Variants in XYLT1 observed in about 807,000 individuals in gnomAD.
XYLT1 encodes beta-D-xylosyltransferase 1.
Under a neutral mutation model 91.3 loss-of-function variants are expected in XYLT1, and 36 were observed. The ratio of observed to expected loss-of-function variants is 0.39; its 90% CI spans 0.30 to 0.52. XYLT1 has a LOEUF of 0.52. Among genes scored for constraint, XYLT1 ranks in the 20% least tolerant of loss-of-function variants. The pLI is 0.68. For synonymous variants in XYLT1, 588 were observed against 532.0 expected, an observed-to-expected ratio of 1.11 and a Z score of -1.45; for missense variants, 1,242 against 1,284.5, an observed-to-expected ratio of 0.97 and a Z score of 0.51.
At chr16:17,119,098 C>A (rs900201401) in intron 10 of XYLT1, among the ~76,000 whole-genome samples, 2 of 152,144 alleles carry the variant, frequency 1.3e-5, no homozygotes, top group Non-Finnish European at 2.9e-5. Flanking sequence ...TTTATCTCCT[C>A]CAGCTGTAAT....
chr16:17,308,849 C>T (rs2034503486), intron 2 of XYLT1, among the ~76,000 whole-genome samples: 1 of 152,146 alleles, frequency 6.6e-6, no homozygotes, highest in Non-Finnish European at 1.5e-5. Context: ...TCTATCTCCT[C>T]TAATTGTCAT....
intron 5 of XYLT1, among the ~76,000 whole-genome samples, chr16:17,197,006 G>A (rs1487172230): frequency 9.6e-6 from 1 of 104,682 alleles, no homozygotes; most frequent in Admixed American, 1.0e-4. Context: ...GCGAGACTCT[G>A]TCTCCAAAAT....
chr16:17,166,677 AT>A (rs34758469), intron 5 of XYLT1, among the ~76,000 whole-genome samples: 61,319 of 143,952 alleles, frequency 0.43, 13,450 homozygotes, highest in African/African-American at 0.59. Context: ...ATGTCCAGCT[AT>A]TTTTTTTTTT....
At chr16:17,134,187 T>C (rs2030613665) in intron 9 of XYLT1, among the ~76,000 whole-genome samples, 1 of 152,144 alleles carries the variant, frequency 6.6e-6, no homozygotes, top group African/African-American at 2.4e-5. Context: ...TATGATATGG[T>C]GACAAAAAGC....
intron 3 of XYLT1, among the ~76,000 whole-genome samples, chr16:17,214,055 C>T (rs2032811263): frequency 6.6e-6 from 1 of 152,198 alleles, no homozygotes; most frequent in Non-Finnish European, 1.5e-5. Flanking sequence ...CCCATGATTA[C>T]AGGGCATTTG....
intron 2 of XYLT1, among the ~76,000 whole-genome samples, chr16:17,322,577 C>T (rs1439058459): frequency 6.6e-6 from 1 of 152,242 alleles, no homozygotes; most frequent in Non-Finnish European, 1.5e-5. Context: ...CAGCCTGCCT[C>T]AGGACCTCTG....
rs564505821 is a variant in XYLT1 at position 17,353,699 on chromosome 16, G to A, written c.402+4313C>T. ...TCTAAGTACATCTGTGGATAGTTGT[G>A]CTAGGCACTGTCTATCTGTCCGTCT... On this transcript the variant is annotated intron_variant, in intron 2 of 11. Coordinates refer to ENST00000261381, the MANE Select transcript of XYLT1 (RefSeq NM_022166.4). 5.4e-5 allele frequency among the ~76,000 whole-genome samples: 7 copies of A among 128,724 alleles called. No homozygotes were observed. In the East Asian group the frequency reaches 1.2e-3, roughly 22 times the overall value. The allele number at this position is 128,724 out of a possible 152,430, so 84.4% of individuals were successfully genotyped here.
intron 3 of XYLT1, among the ~76,000 whole-genome samples, chr16:17,214,161 G>C (rs2032813291): frequency 6.6e-6 from 1 of 152,204 alleles, no homozygotes; most frequent in Non-Finnish European, 1.5e-5. Flanking sequence ...CTCCCTGGGA[G>C]GCAGAAGGCT....
chr16:17,125,423 A>C, intron 10 of XYLT1, among the ~76,000 whole-genome samples: 1 of 151,502 alleles, frequency 6.6e-6, no homozygotes, highest in African/African-American at 2.4e-5. Context: ...CTGCAAGACT[A>C]CTCCCTGAGG....
At chr16:17,109,508 A>G (rs1362792315) in intron 11 of XYLT1, among the ~76,000 whole-genome samples, 1 of 152,202 alleles carries the variant, frequency 6.6e-6, no homozygotes, top group Non-Finnish European at 1.5e-5. Flanking sequence ...GTAGATAAAT[A>G]AGGTTATTTC....
intron 3 of XYLT1, among the ~76,000 whole-genome samples, chr16:17,244,320 C>T (rs1189882615): frequency 6.6e-6 from 1 of 152,062 alleles, no homozygotes; most frequent in Non-Finnish European, 1.5e-5. Flanking sequence ...AAGCACTGTC[C>T]TTGACCACGC....
intron 2 of XYLT1, among the ~76,000 whole-genome samples, chr16:17,320,529 C>T (rs1392142165): frequency 6.9e-6 from 1 of 144,238 alleles, no homozygotes; most frequent in Admixed American, 7.3e-5. Flanking sequence ...CACCAGGCTG[C>T]AGTGCAGTGG....
At chr16:17,453,284 C>T (rs953569272) in intron 1 of XYLT1, among the ~76,000 whole-genome samples, 1 of 152,212 alleles carries the variant, frequency 6.6e-6, no homozygotes, top group Non-Finnish European at 1.5e-5. Flanking sequence ...AATCAGAAGA[C>T]AGGCTCCTAC....
At chr16:17,119,703 A>T (rs1407710832) in intron 10 of XYLT1, among the ~76,000 whole-genome samples, 1 of 152,170 alleles carries the variant, frequency 6.6e-6, no homozygotes, top group African/African-American at 2.4e-5. Context: ...CATTATCTTT[A>T]CTTTACAGAT....
At chr16:17,229,573 G>T (rs966763632) in intron 3 of XYLT1, among the ~76,000 whole-genome samples, 2 of 152,200 alleles carry the variant, frequency 1.3e-5, no homozygotes, top group Admixed American at 6.5e-5. Flanking sequence ...TAGGCCAGGT[G>T]GGGGCAGAGG....
At chr16:17,386,527 C>T (rs1431154218) in intron 1 of XYLT1, among the ~76,000 whole-genome samples, 4 of 152,098 alleles carry the variant, frequency 2.6e-5, no homozygotes, top group Non-Finnish European at 5.9e-5. Context: ...GGAACAAAAG[C>T]TTTACTACAC....
chr16:17,218,864 G>C (rs564930757), intron 3 of XYLT1, among the ~76,000 whole-genome samples: 3 of 152,188 alleles, frequency 2.0e-5, no homozygotes, highest in Non-Finnish European at 4.4e-5. Context: ...AAAGTCATTT[G>C]TTCATTTGAT....
At chr16:17,112,228 G>A (rs887713031) in intron 11 of XYLT1, among the ~76,000 whole-genome samples, 1 of 152,108 alleles carries the variant, frequency 6.6e-6, no homozygotes, top group South Asian at 2.1e-4. Flanking sequence ...CCACCTCATC[G>A]GATTTCTTGC....
intron 1 of XYLT1, among the ~76,000 whole-genome samples, chr16:17,419,817 CTTTGA>C (rs1473647895): frequency 6.6e-6 from 1 of 152,104 alleles, no homozygotes; most frequent in Non-Finnish European, 1.5e-5. Context: ...AGCCTGCTTC[CTTTGA>C]TTTGAGTATG....
Sources: allele counts gnomAD v4.1 joint callset (sites outside exome capture counted in the v4.1 genomes callset), GRCh38; gene constraint gnomAD v4.1.1; transcripts MANE v1.5; gene names NCBI Gene and HGNC (gene_info 2026-07-23, HGNC 2026-07-21).